Variants in C12orf54 observed in about 807,000 individuals in gnomAD.
The protein encoded by C12orf54 is uncharacterized protein C12orf54.
A neutral mutation model predicts 26.4 loss-of-function variants in C12orf54; 24 were observed. The observed-to-expected ratio is 0.91, with a 90% CI of 0.66 to 1.28. The LOEUF (loss-of-function observed/expected upper bound fraction) is 1.28. Among genes scored for constraint, C12orf54 ranks in the 50% most tolerant of loss-of-function variants. The pLI is 0.00. For missense variants in C12orf54, 154 were observed against 150.9 expected, an observed-to-expected ratio of 1.02 and a Z score of -0.11; for synonymous variants, 54 against 47.0, an observed-to-expected ratio of 1.15 and a Z score of -0.61.
At chr12:48,493,673 T>TAAAGAAAATGAATGAAAGTTAATTTTCAA (rs1937843239) in intron 7 of C12orf54, among the ~76,000 whole-genome samples, 2 of 135,700 alleles carry the variant, frequency 1.5e-5, no homozygotes, top group South Asian at 2.4e-4. Flanking sequence ...AAGAAAGTTA[T>TAAAGAAAATGAATGAAAGTTAATTTTCAA]AAAGAAAATT....
chr12:48,463,764 G>T, the C12orf54 span, among the ~76,000 whole-genome samples: 3 of 151,994 alleles, frequency 2.0e-5, no homozygotes, highest in African/African-American at 4.8e-5. Context: ...TGAGATACAA[G>T]GTTGGTTCAA....
chr12:48,479,556 G>A (rs1218585727), upstream of C12orf54, among the ~76,000 whole-genome samples: 2 of 150,842 alleles, frequency 1.3e-5, no homozygotes, highest in African/African-American at 4.9e-5. Context: ...CATTTTTAGG[G>A]ACCTAAGTGC....
chr12:48,426,926 T>C, the C12orf54 span, among the ~76,000 whole-genome samples: 1 of 152,112 alleles, frequency 6.6e-6, no homozygotes, highest in Admixed American at 6.5e-5. Flanking sequence ...TGTACACTGA[T>C]TTTGTGTCCT....
At chr12:48,419,253 G>T in the C12orf54 span, among the ~76,000 whole-genome samples, 6 of 152,174 alleles carry the variant, frequency 3.9e-5, no homozygotes, top group Non-Finnish European at 5.9e-5. Flanking sequence ...ACATGGCCTT[G>T]AAGACATAGT....
chr12:48,431,240 TA>T, the C12orf54 span, among the ~76,000 whole-genome samples: 1 of 152,098 alleles, frequency 6.6e-6, no homozygotes, highest in Non-Finnish European at 1.5e-5. Flanking sequence ...AAATCACCAC[TA>T]AAAAACTTAC....
the C12orf54 span, among the ~76,000 whole-genome samples, chr12:48,426,247 G>A: frequency 6.6e-6 from 1 of 151,918 alleles, no homozygotes; most frequent in Non-Finnish European, 1.5e-5. Context: ...AATATGACTT[G>A]CATTGTTTTT....
the C12orf54 span, among the ~76,000 whole-genome samples, chr12:48,451,293 TA>T: frequency 5.9e-4 from 87 of 146,758 alleles, no homozygotes; most frequent in East Asian, 1.8e-3. Context: ...CCCTTCATAT[TA>T]AAAAAAAAAA....
the C12orf54 span, among the ~76,000 whole-genome samples, chr12:48,437,353 A>T: frequency 6.6e-6 from 1 of 152,220 alleles, no homozygotes; most frequent in Non-Finnish European, 1.5e-5. Flanking sequence ...TCCTTCTGAA[A>T]CTATTCCAAT....
chr12:48,468,604 G>T, the C12orf54 span, among the ~76,000 whole-genome samples: 44 of 152,214 alleles, frequency 2.9e-4, no homozygotes, highest in African/African-American at 9.6e-4. Flanking sequence ...CAACAATAAA[G>T]CTGTTATGGT....
Position 48,482,839 on chromosome 12 carries a change from C to T in C12orf54, c.-58+263C>T, listed in dbSNP as rs545710402. Among the ~76,000 whole-genome samples, 7 of 152,166 alleles carry T rather than the reference C, an allele frequency of 4.6e-5. No individual in the cohort carries two copies. The South Asian group carries it at 1.0e-3, about 23-fold the overall frequency. ...GGGGTATTTGACAATCTTGCATTCA[C>T]TCTACACTATTTCCTGTCCTTGCCT... On this transcript the variant is annotated intron_variant, in intron 1 of 8. Coordinates refer to ENST00000548364, the MANE Select transcript of C12orf54 (RefSeq NM_152319.4).
the C12orf54 span, among the ~76,000 whole-genome samples, chr12:48,474,997 C>T: frequency 9.2e-5 from 14 of 152,336 alleles, 1 homozygote; most frequent in South Asian, 2.5e-3. Flanking sequence ...AGGCACCCCC[C>T]AGTAGGGGCA....
chr12:48,440,059 T>G, the C12orf54 span, among the ~76,000 whole-genome samples: 1 of 151,978 alleles, frequency 6.6e-6, no homozygotes, highest in Admixed American at 6.6e-5. Context: ...ACCCTGTCTC[T>G]ACTAAAAATA....
chr12:48,464,083 C>T, the C12orf54 span, among the ~76,000 whole-genome samples: 1 of 151,966 alleles, frequency 6.6e-6, no homozygotes, highest in Non-Finnish European at 1.5e-5. Context: ...TAAGAGCAAT[C>T]AGGAAAGAGA....
chr12:48,452,660 AAAAC>A, the C12orf54 span, among the ~76,000 whole-genome samples: 11 of 152,220 alleles, frequency 7.2e-5, no homozygotes, highest in Admixed American at 5.9e-4. Context: ...TTTACAAGAA[AAAAC>A]AAACAACTCC....
chr12:48,414,352 C>G, the C12orf54 span, among the ~76,000 whole-genome samples: 1 of 152,230 alleles, frequency 6.6e-6, no homozygotes, highest in Non-Finnish European at 1.5e-5. Flanking sequence ...GCTCAAAGAA[C>G]TCACGCAGTT....
chr12:48,484,655 G>T (rs1290790148), intron 2 of C12orf54, among the ~76,000 whole-genome samples: 2 of 152,140 alleles, frequency 1.3e-5, no homozygotes, highest in Non-Finnish European at 2.9e-5. Context: ...TTAGGGTTGA[G>T]GTTCAATAGC....
chr12:48,457,237 A>C, the C12orf54 span, among the ~76,000 whole-genome samples: 1 of 152,098 alleles, frequency 6.6e-6, no homozygotes, highest in Non-Finnish European at 1.5e-5. Flanking sequence ...AATGGGCCGT[A>C]AGCTTGGTGC....
At chr12:48,476,270 A>T in the C12orf54 span, among the ~76,000 whole-genome samples, 1 of 152,242 alleles carries the variant, frequency 6.6e-6, no homozygotes, top group Non-Finnish European at 1.5e-5. Context: ...AGGAACAACC[A>T]GTACCAGTCA....
chr12:48,484,896 G>C (rs1453590629), intron 2 of C12orf54, among the ~76,000 whole-genome samples: 2 of 152,050 alleles, frequency 1.3e-5, no homozygotes, highest in South Asian at 2.1e-4. Flanking sequence ...TTCAGAATTA[G>C]GGGCATGGTT....
Sources: gnomAD v4.1 joint callset for allele counts (sites outside exome capture counted in the v4.1 genomes callset) on GRCh38, gnomAD v4.1.1 for gene constraint, MANE v1.5 for transcripts, NCBI Gene and HGNC (gene_info 2026-07-23, HGNC 2026-07-21) for gene names.